RGS8: variants seen among roughly 807,000 people sequenced by gnomAD.
The protein encoded by RGS8 is regulator of G-protein signaling 8.
In RGS8, 8 loss-of-function variants were observed where a neutral mutation model predicts 21.7. That is an observed-to-expected ratio of 0.37 (90% confidence interval 0.22 to 0.66). The LOEUF is 0.66. Among genes scored for constraint, RGS8 ranks in the 30% least tolerant of loss-of-function variants. The probability of loss-of-function intolerance (pLI) is 0.59; values close to 1 mark genes in which losing one functional copy is unlikely to be tolerated. For missense variants in RGS8, 157 were observed against 217.9 expected (o/e 0.72, Z 1.76); for synonymous variants, 80 against 83.6 (o/e 0.96, Z 0.24).
At chr1:182,668,209 C>T (rs1359207253) in intron 3 of RGS8, among the ~76,000 whole-genome samples, 1 of 152,204 alleles carries the variant, frequency 6.6e-6, no homozygotes, top group African/African-American at 2.4e-5. Flanking sequence ...TTGCTGACCC[C>T]TCACCTTTAA....
At chr1:182,721,263 A>T in the RGS8 span, among the ~76,000 whole-genome samples, 15 of 152,022 alleles carry the variant, frequency 9.9e-5, no homozygotes, top group Admixed American at 9.8e-4. Flanking sequence ...GGGATGCCAC[A>T]GTGAAAAACG....
chr1:182,645,729 T>C (rs144868378), downstream of RGS8: 1 of 152,170 alleles, frequency 6.6e-6, no homozygotes, highest in Admixed American at 6.5e-5. Context: ...CCCATCATAA[T>C]TACATGACCG....
chr1:182,716,280 C>A, the RGS8 span, among the ~76,000 whole-genome samples: 1 of 152,022 alleles, frequency 6.6e-6, no homozygotes, highest in Admixed American at 6.6e-5. Context: ...TGTACGCCAC[C>A]ATGCCTGGCT....
At chr1:182,747,427 G>A in the RGS8 span, among the ~76,000 whole-genome samples, 2 of 152,114 alleles carry the variant, frequency 1.3e-5, no homozygotes, top group Non-Finnish European at 2.9e-5. Context: ...TCTTTCCAGT[G>A]GTTAAGGAGT....
chr1:182,723,385 T>C, the RGS8 span, among the ~76,000 whole-genome samples: 2 of 152,286 alleles, frequency 1.3e-5, no homozygotes, highest in South Asian at 2.1e-4. Context: ...GGATCCTCTC[T>C]GGCTGTTGGC....
At chr1:182,703,340 G>T in the RGS8 span, among the ~76,000 whole-genome samples, 1 of 152,140 alleles carries the variant, frequency 6.6e-6, no homozygotes, top group African/African-American at 2.4e-5. Context: ...ACACTAATCT[G>T]AATAACAAAC....
the RGS8 span, among the ~76,000 whole-genome samples, chr1:182,741,196 C>A: frequency 6.9e-6 from 1 of 144,678 alleles, no homozygotes. Context: ...GACCCCCCCA[C>A]CTCCCTCCTG....
the RGS8 span, among the ~76,000 whole-genome samples, chr1:182,745,906 A>G: frequency 6.6e-6 from 1 of 151,844 alleles, no homozygotes; most frequent in Non-Finnish European, 1.5e-5. Flanking sequence ...AACAACTTTA[A>G]TGTTCAAATA....
upstream of RGS8, among the ~76,000 whole-genome samples, chr1:182,689,238 C>T (rs1168886302): frequency 2.6e-5 from 4 of 151,158 alleles, no homozygotes; most frequent in Admixed American, 1.3e-4. Context: ...CTCTCTCTCT[C>T]TCGTGCACGC....
chr1:182,672,137 T>C (rs1046136328), upstream of RGS8: 1 of 199,200 alleles, frequency 5.0e-6, no homozygotes, highest in Non-Finnish European at 1.0e-5. Flanking sequence ...AGAATAGGTA[T>C]TAACTCTTTC....
chr1:182,737,682 A>T, the RGS8 span, among the ~76,000 whole-genome samples: 2 of 152,174 alleles, frequency 1.3e-5, no homozygotes, highest in Non-Finnish European at 2.9e-5. Context: ...TAAATTATCC[A>T]GTCTCAGGTA....
At chr1:182,706,191 C>T in the RGS8 span, among the ~76,000 whole-genome samples, 1 of 151,774 alleles carries the variant, frequency 6.6e-6, no homozygotes, top group Non-Finnish European at 1.5e-5. Context: ...CACCATGTTG[C>T]CTGGGCTGGT....
chr1:182,658,912 C>T (rs573463073), intron 5 of RGS8, among the ~76,000 whole-genome samples: 1 of 152,328 alleles, frequency 6.6e-6, no homozygotes, highest in African/African-American at 2.4e-5. Context: ...AGAGAACAAA[C>T]TATTTCCAGT....
upstream of RGS8, among the ~76,000 whole-genome samples, chr1:182,686,011 A>G (rs1664693112): frequency 6.6e-6 from 1 of 152,188 alleles, no homozygotes; most frequent in Non-Finnish European, 1.5e-5. Flanking sequence ...ATTAAGTCCA[A>G]CTGGGAAGTC....
At chr1:182,703,086 A>G in the RGS8 span, among the ~76,000 whole-genome samples, 1 of 152,228 alleles carries the variant, frequency 6.6e-6, no homozygotes, top group African/African-American at 2.4e-5. Context: ...GCACTTTGCA[A>G]TGCTGGACAA....
intron 5 of RGS8, among the ~76,000 whole-genome samples, chr1:182,652,312 C>A (rs1321024698): frequency 6.6e-6 from 1 of 152,180 alleles, no homozygotes; most frequent in South Asian, 2.1e-4. Flanking sequence ...GTAAAGATAG[C>A]CTTGCTAAGG....
the RGS8 span, among the ~76,000 whole-genome samples, chr1:182,746,956 T>C: frequency 6.8e-6 from 1 of 147,588 alleles, no homozygotes; most frequent in Non-Finnish European, 1.5e-5. Context: ...CAGGCTGGAG[T>C]GCAATGGCAT....
rs575284646 is a variant in RGS8, at chr1:182,659,423, G to A, written c.193+6546C>T. 1.2e-4 allele frequency among the ~76,000 whole-genome samples: 19 copies of A among 152,316 alleles called. 1 individual carries two copies. Among genetic ancestry groups the A allele is most frequent in the African/African-American group, 2.6e-4 (11 of 41,572 alleles). On this transcript the variant is annotated intron_variant, in intron 5 of 6. Coordinates refer to ENST00000483095, the Ensembl canonical transcript of RGS8. Reference sequence around the variant, plus strand: ...GAGAAGTATTATAAAACATGTAGCCGGGCGCGGTGGCTCACGCCTATAGTC... The same window carrying A: ...GAGAAGTATTATAAAACATGTAGCCAGGCGCGGTGGCTCACGCCTATAGTC...
the RGS8 span, among the ~76,000 whole-genome samples, chr1:182,721,540 A>G: frequency 6.6e-6 from 1 of 152,206 alleles, no homozygotes; most frequent in South Asian, 2.1e-4. Flanking sequence ...GCCTAAGAAA[A>G]GAGAGTGCTG....
Sources: allele counts gnomAD v4.1 joint callset (sites outside exome capture counted in the v4.1 genomes callset), GRCh38; gene constraint gnomAD v4.1.1; transcripts MANE v1.5; gene names NCBI Gene and HGNC (gene_info 2026-07-23, HGNC 2026-07-21).